STRBP: variants seen among roughly 807,000 people sequenced by gnomAD.
STRBP encodes spermatid perinuclear RNA binding protein.
A neutral mutation model predicts 80.1 loss-of-function variants in STRBP; 13 were observed. The observed-to-expected ratio is 0.16, with a 90% confidence interval of 0.11 to 0.26. STRBP has a LOEUF of 0.26. Ranked by LOEUF, STRBP falls within the 10% of genes least tolerant of loss-of-function variation. STRBP has a pLI of 1.00. For synonymous variants in STRBP, 284 were observed against 291.2 expected (o/e 0.98, Z 0.25); for missense variants, 485 against 815.2 (o/e 0.59, Z 4.93).
intron 11 of STRBP, among the ~76,000 whole-genome samples, chr9:123,152,242 A>G (rs553818835): frequency 6.6e-6 from 1 of 152,280 alleles, no homozygotes; most frequent in African/African-American, 2.4e-5. Context: ...AAATTTATGC[A>G]AACTTTTCCA....
rs1448654739 is a variant in STRBP at position 123,121,839 on chromosome 9, G to A, written c.*3758C>T. The A allele has an allele frequency of 6.6e-6, 1 of 152,558 alleles. No homozygotes were observed. The highest frequency in any genetic ancestry group is 1.5e-5 in the Non-Finnish European group (1 of 68,472). The allele number at this position is 152,558 out of a possible 1,614,324, so 9.5% of individuals were successfully genotyped here. A position where few individuals can be genotyped will look rare whatever the true frequency, so the allele number is the denominator to read the frequency against. On this transcript the variant is annotated 3_prime_UTR_variant, in exon 19 of 19. Coordinates refer to ENST00000348403, the MANE Select transcript of STRBP (RefSeq NM_018387.5). ...GGAAATTCCACTGCTTTGGCCAAAA[G>A]AGTGCCCTGTCATTAAAATCTTCTT...
At chr9:123,218,786 T>C (rs2039982275) in intron 2 of STRBP, among the ~76,000 whole-genome samples, 1 of 152,210 alleles carries the variant, frequency 6.6e-6, no homozygotes, top group Non-Finnish European at 1.5e-5. Flanking sequence ...ATTAACCATG[T>C]GCCAGGCATC....
chr9:123,248,497 C>T (rs2040846815), intron 1 of STRBP, among the ~76,000 whole-genome samples: 1 of 151,958 alleles, frequency 6.6e-6, no homozygotes, highest in Non-Finnish European at 1.5e-5. Context: ...GTCTCGAACT[C>T]CTGACCTCGT....
At chr9:123,267,177 C>G (rs903922970) in intron 1 of STRBP, among the ~76,000 whole-genome samples, 19 of 151,468 alleles carry the variant, frequency 1.3e-4, no homozygotes, top group African/African-American at 4.6e-4. Flanking sequence ...TCCCTCTCCC[C>G]CAGCTCCTGC....
chr9:123,251,594 CAAGAT>C (rs2040919038), intron 1 of STRBP, among the ~76,000 whole-genome samples: 1 of 152,156 alleles, frequency 6.6e-6, no homozygotes, highest in Admixed American at 6.5e-5. Flanking sequence ...TTTTCATGTA[CAAGAT>C]AAGAGGGTTA....
intron 18 of STRBP, 151 bp from the exon 19 acceptor site, chr9:123,125,824 G>A (rs947595774): frequency 2.1e-5 from 11 of 514,894 alleles, no homozygotes; most frequent in African/African-American, 7.8e-5. Context: ...CCCATAAATC[G>A]CTCACAGATC....
chr9:123,158,546 A>C, intron 9 of STRBP, 117 bp from the exon 10 acceptor site: 1 of 845,362 alleles, frequency 1.2e-6, no homozygotes, highest in Non-Finnish European at 1.8e-6. Flanking sequence ...AAACTGAGGA[A>C]CTAAGTTAAA....
In STRBP at chr9:123,110,117, G is replaced by GCT. The variant is rs2035540403; in HGVS notation, c.*85-365_*85-364insAG. The GCT allele has an allele frequency of 1.3e-5, 2 of 152,362 alleles. No homozygotes were observed. Among genetic ancestry groups the GCT allele is most frequent in the South Asian group, 4.2e-4 (2 of 4,818 alleles). 9.4% of individuals were successfully genotyped at this position (152,362 alleles called of 1,614,324 possible). A position where few individuals can be genotyped will look rare whatever the true frequency, so the allele number is the denominator to read the frequency against. On this transcript the variant is annotated intron_variant and NMD_transcript_variant, in intron 3 of 3. Transcript: ENST00000471564. This position sits in a 1 kb window ranked among gnomAD's most constrained non-coding sequence, Gnocchi z 4.1. ...GGGCCTGACGAAGGGCTAAGGCTGA[G>GCT]CAGGCCTACCTTAGTCCTTAGTGTG...
At chr9:123,141,915 A>G (rs745870426) in intron 13 of STRBP, among the ~76,000 whole-genome samples, 6 of 152,242 alleles carry the variant, frequency 3.9e-5, no homozygotes, top group Non-Finnish European at 7.3e-5. Context: ...TGCAACTGAT[A>G]AAGATTCTCT....
intron 2 of STRBP, among the ~76,000 whole-genome samples, chr9:123,195,112 A>T (rs1328067839): frequency 6.6e-6 from 1 of 152,200 alleles, no homozygotes; most frequent in Non-Finnish European, 1.5e-5. Flanking sequence ...AACCTAATGC[A>T]TCAAAAACAA....
Position 123,250,707 on chromosome 9 carries a change from T to C in STRBP, c.-301-13741A>G, listed in dbSNP as rs1259184820. 2.0e-5 allele frequency among the ~76,000 whole-genome samples: 3 copies of C among 152,176 alleles called. No homozygotes were observed. In the East Asian group the frequency reaches 5.8e-4, roughly 29 times the overall value. On this transcript the variant is annotated intron_variant, in intron 1 of 18. Coordinates refer to ENST00000348403, the MANE Select transcript of STRBP (RefSeq NM_018387.5). ...CAAATGTTTTGCACTCATTTTGCAA[T>C]CAGCAATCCTCCTCCAATGAACAAC...
intron 13 of STRBP, among the ~76,000 whole-genome samples, chr9:123,145,523 T>G (rs997884223): frequency 1.3e-5 from 2 of 152,130 alleles, no homozygotes; most frequent in African/African-American, 2.4e-5. Flanking sequence ...TTAAAAGAGA[T>G]CACTGATATC....
intron 1 of STRBP, among the ~76,000 whole-genome samples, chr9:123,264,707 C>G (rs1485694399): frequency 6.6e-6 from 1 of 152,170 alleles, no homozygotes. Flanking sequence ...ATTATTCAGC[C>G]TACAAAGCCT....
chr9:123,224,007 C>G (rs55863538), intron 2 of STRBP, among the ~76,000 whole-genome samples: 1 of 152,110 alleles, frequency 6.6e-6, no homozygotes, highest in Admixed American at 6.6e-5. Context: ...AAAAATTCCA[C>G]ATGGATTTAC....
chr9:123,213,279 A>G (rs2039776527), intron 2 of STRBP, among the ~76,000 whole-genome samples: 1 of 152,214 alleles, frequency 6.6e-6, no homozygotes, highest in African/African-American at 2.4e-5. Flanking sequence ...AGTATGCAAC[A>G]AATTCTCCAA....
At chr9:123,130,612 T>C (rs2036095776) in intron 17 of STRBP, among the ~76,000 whole-genome samples, 1 of 152,202 alleles carries the variant, frequency 6.6e-6, no homozygotes, top group Non-Finnish European at 1.5e-5. Context: ...AACCCGCCTA[T>C]TATTGTGAAT....
At chr9:123,168,428 T>C (rs994123058) in intron 6 of STRBP, among the ~76,000 whole-genome samples, 7 of 152,246 alleles carry the variant, frequency 4.6e-5, no homozygotes, top group African/African-American at 1.7e-4. Flanking sequence ...TGAGTTATGA[T>C]ATAGATGATT....
intron 1 of STRBP, among the ~76,000 whole-genome samples, chr9:123,265,401 T>C (rs1293383968): frequency 2.0e-5 from 3 of 152,206 alleles, no homozygotes; most frequent in East Asian, 3.8e-4. Flanking sequence ...GAACCTTTTA[T>C]TTGAAATCAT....
intron 2 of STRBP, among the ~76,000 whole-genome samples, chr9:123,193,746 C>A (rs1165260308): frequency 6.6e-6 from 1 of 151,964 alleles, no homozygotes; most frequent in African/African-American, 2.4e-5. Flanking sequence ...CTTATCCAAC[C>A]GAAATTACGT....
Sources: gnomAD v4.1 joint callset for allele counts (sites outside exome capture counted in the v4.1 genomes callset) on GRCh38, gnomAD v4.1.1 for gene constraint, Gnocchi (gnomAD v3.1) non-coding constraint, MANE v1.5 for transcripts, NCBI Gene and HGNC (gene_info 2026-07-23, HGNC 2026-07-21) for gene names.